The following NELL2 variants were observed in gnomAD, a reference collection of about 807,000 sequenced individuals.
NELL2 encodes the protein neural EGFL like 2.
A neutral mutation model predicts 109.6 loss-of-function variants in NELL2; 41 were observed. The observed-to-expected ratio is 0.37, with a 90% CI of 0.29 to 0.49. The LOEUF is 0.49. NELL2 is among the 20% of genes least tolerant of loss of function. The pLI is 0.98. For missense variants in NELL2, 900 were observed against 1,008.3 expected, an observed-to-expected ratio of 0.89 and a Z score of 1.45; for synonymous variants, 355 against 344.7, an observed-to-expected ratio of 1.03 and a Z score of -0.33.
chr12:44,711,414 A>T lies in NELL2; in HGVS notation c.1087-20T>A. 6.3e-7 allele frequency: 1 copy of T among 1,583,808 alleles called. No individual in the cohort carries two copies. Among genetic ancestry groups the T allele is most frequent in the Non-Finnish European group, 8.7e-7 (1 of 1,153,344 alleles). On this transcript the variant is annotated intron_variant, in intron 10 of 19. Transcript: ENST00000429094. ...CTGGTCCTGTTAGACAACAGAAAAGAAGTGCTTCAAATTTTATCATTAGGA... is the reference window on the plus strand; with the variant it reads ...CTGGTCCTGTTAGACAACAGAAAAGTAGTGCTTCAAATTTTATCATTAGGA...
chr12:44,661,534 AGTGACAT>A, intron 13 of NELL2, among the ~76,000 whole-genome samples: 1 of 152,278 alleles, frequency 6.6e-6, no homozygotes, highest in East Asian at 1.9e-4. Context: ...CCAGTAACAC[AGTGACAT>A]GTGACTCAGA....
At chr12:44,644,906 G>A (rs542270086) in intron 13 of NELL2, among the ~76,000 whole-genome samples, 6 of 151,780 alleles carry the variant, frequency 4.0e-5, no homozygotes, top group Non-Finnish European at 5.9e-5. Context: ...AGAAAAAAAA[G>A]TTTGTGACTG....
chr12:44,684,680 C>T (rs1026890651), intron 12 of NELL2, among the ~76,000 whole-genome samples: 1 of 152,148 alleles, frequency 6.6e-6, no homozygotes, highest in Non-Finnish European at 1.5e-5. Flanking sequence ...TATGTACCCA[C>T]TAGTCATTCC....
chr12:44,597,602 T>G (rs1357708781), intron 15 of NELL2, among the ~76,000 whole-genome samples: 1 of 152,248 alleles, frequency 6.6e-6, no homozygotes, highest in African/African-American at 2.4e-5. Context: ...CCCTCTATGT[T>G]GCACAGTTGG....
At chr12:44,597,675 T>G (rs1945021063) in intron 15 of NELL2, among the ~76,000 whole-genome samples, 1 of 152,188 alleles carries the variant, frequency 6.6e-6, no homozygotes, top group Non-Finnish European at 1.5e-5. Context: ...CTGCCTACTA[T>G]ATGCAAAGCA....
chr12:44,698,225 T>C (rs1592356585), intron 12 of NELL2, among the ~76,000 whole-genome samples: 1 of 152,200 alleles, frequency 6.6e-6, no homozygotes. Flanking sequence ...TCTCAGATGC[T>C]CATGGTTAAA....
intron 9 of NELL2, among the ~76,000 whole-genome samples, chr12:44,755,345 TTAAA>T (rs1343139803): frequency 3.3e-5 from 5 of 152,158 alleles, no homozygotes; most frequent in Admixed American, 3.3e-4. Flanking sequence ...GTTCCCGTCA[TTAAA>T]TTCCCTACCT....
At chr12:44,522,948 G>T in intron 17 of NELL2, 2 of 244,802 alleles carry the variant, frequency 8.2e-6, no homozygotes, top group South Asian at 1.2e-4. Context: ...ATGGATTAGA[G>T]ATATAGGTAC....
upstream of NELL2, among the ~76,000 whole-genome samples, chr12:44,918,230 C>T (rs1403220923): frequency 6.6e-6 from 1 of 151,528 alleles, no homozygotes; most frequent in African/African-American, 2.4e-5. Flanking sequence ...TGTTTTTTAC[C>T]CTAAAGTACA....
rs1939007065 is a variant in NELL2, at chr12:44,725,164, T to A, written c.995-10423A>T. On this transcript the variant is annotated intron_variant, in intron 9 of 19. Coordinates refer to ENST00000429094, the MANE Select transcript of NELL2 (RefSeq NM_001145108.2). Reference sequence around the variant, plus strand: ...ATGCAAAACCCAAAACTATAAAAACTCTGGAAGACAACCTGGGCAATACCA... The same window carrying A: ...ATGCAAAACCCAAAACTATAAAAACACTGGAAGACAACCTGGGCAATACCA... 2.6e-5 allele frequency among the ~76,000 whole-genome samples: 4 copies of A among 151,850 alleles called. No individual in the cohort carries two copies. In the South Asian group the frequency reaches 8.3e-4, roughly 32 times the overall value.
At chr12:44,848,604 T>C (rs1243104463) in intron 2 of NELL2, among the ~76,000 whole-genome samples, 1 of 152,178 alleles carries the variant, frequency 6.6e-6, no homozygotes, top group East Asian at 1.9e-4. Flanking sequence ...CTCAAGTCTT[T>C]GTTTTAGTTA....
chr12:44,879,640 G>A (rs563803335), upstream of NELL2, among the ~76,000 whole-genome samples: 1 of 152,050 alleles, frequency 6.6e-6, no homozygotes, highest in African/African-American at 2.4e-5. Flanking sequence ...AGAAAATAGA[G>A]TGGGATTTTA....
chr12:44,840,310 C>T (rs781043113), intron 2 of NELL2, among the ~76,000 whole-genome samples: 1 of 152,152 alleles, frequency 6.6e-6, no homozygotes. Context: ...TACTCGATTT[C>T]ATGTCAATCT....
chr12:44,547,702 C>G (rs547995978), intron 15 of NELL2, among the ~76,000 whole-genome samples: 1 of 152,248 alleles, frequency 6.6e-6, no homozygotes, highest in African/African-American at 2.4e-5. Context: ...ATTAATGTCT[C>G]AAGAAGATGG....
chr12:44,583,459 A>G (rs1284046226), intron 15 of NELL2, among the ~76,000 whole-genome samples: 1 of 152,234 alleles, frequency 6.6e-6, no homozygotes, highest in African/African-American at 2.4e-5. Context: ...GGTCACTACT[A>G]TTTCTTGGGG....
At chr12:44,711,238 T>C in intron 11 of NELL2, 54 bp downstream of exon 11, 1 of 1,257,032 alleles carries the variant, frequency 8.0e-7, no homozygotes, top group South Asian at 1.2e-5. Context: ...TCAGTTGTAC[T>C]AGCCTACTAT....
chr12:44,576,986 A>G, intron 15 of NELL2, among the ~76,000 whole-genome samples: 2 of 140,948 alleles, frequency 1.4e-5, no homozygotes, highest in African/African-American at 5.6e-5. Flanking sequence ...TGCTATTGTG[A>G]ATAGTGCCGC....
At chr12:44,669,849 AAAC>A (rs1187051528) in intron 12 of NELL2, among the ~76,000 whole-genome samples, 22 of 152,306 alleles carry the variant, frequency 1.4e-4, no homozygotes, top group African/African-American at 4.8e-4. Flanking sequence ...CTTATTTAAC[AAAC>A]AACAGCTGAA....
At chr12:44,730,895 A>G (rs1018169423) in intron 9 of NELL2, among the ~76,000 whole-genome samples, 1 of 152,146 alleles carries the variant, frequency 6.6e-6, no homozygotes, top group African/African-American at 2.4e-5. Context: ...TAAGAAGGAA[A>G]GCAAAAAAGG....
Sources: gnomAD v4.1 joint callset for allele counts (sites outside exome capture counted in the v4.1 genomes callset) on GRCh38, gnomAD v4.1.1 for gene constraint, MANE v1.5 for transcripts, NCBI Gene and HGNC (gene_info 2026-07-23, HGNC 2026-07-21) for gene names.